Variants in ANTXR1 observed in about 807,000 individuals in gnomAD.
The protein encoded by ANTXR1 is anthrax toxin receptor 1.
A neutral mutation model predicts 78.1 loss-of-function variants in ANTXR1; 19 were observed. That is an observed-to-expected ratio of 0.24 (90% CI 0.17 to 0.36). The LOEUF (loss-of-function observed/expected upper bound fraction) is 0.36, where lower values mean the gene tolerates loss of function less well. Ranked by LOEUF, ANTXR1 falls within the 10% of genes least tolerant of loss-of-function variation. The pLI, the probability that ANTXR1 is intolerant of heterozygous loss-of-function variation, is 1.00. For missense variants in ANTXR1, 518 were observed against 718.6 expected, an observed-to-expected ratio of 0.72 and a Z score of 3.19; for synonymous variants, 273 against 260.5, an observed-to-expected ratio of 1.05 and a Z score of -0.46.
intron 10 of ANTXR1, among the ~76,000 whole-genome samples, chr2:69,103,923 T>C (rs533259440): frequency 6.7e-6 from 1 of 150,198 alleles, no homozygotes; most frequent in East Asian, 1.9e-4. Flanking sequence ...ACTAGTTTTC[T>C]CCTCCTGATA....
chr2:69,225,661 G>A (rs80327509), intron 17 of ANTXR1, among the ~76,000 whole-genome samples: 7,838 of 152,002 alleles, frequency 0.052, 646 homozygotes, highest in African/African-American at 0.17. Context: ...CAAGGGAGAT[G>A]GGATGCAGGA....
At chr2:69,128,842 C>A (rs1387211168) in intron 12 of ANTXR1, among the ~76,000 whole-genome samples, 1 of 152,156 alleles carries the variant, frequency 6.6e-6, no homozygotes, top group Non-Finnish European at 1.5e-5. Context: ...TCACAGCCTG[C>A]CCAGTTCATC....
chr2:69,093,743 C>T (rs1273980999), intron 9 of ANTXR1, among the ~76,000 whole-genome samples: 1 of 152,104 alleles, frequency 6.6e-6, no homozygotes, highest in Non-Finnish European at 1.5e-5. Context: ...CTGGTAAATC[C>T]AATCTAAGGA....
intron 13 of ANTXR1, among the ~76,000 whole-genome samples, chr2:69,168,464 C>T (rs957942764): frequency 2.6e-5 from 4 of 152,198 alleles, no homozygotes; most frequent in Non-Finnish European, 4.4e-5. Context: ...GTGCTTAGCT[C>T]ATAGCACCGT....
At chr2:69,116,009 C>A (rs538212682) in intron 10 of ANTXR1, among the ~76,000 whole-genome samples, 1 of 152,198 alleles carries the variant, frequency 6.6e-6, no homozygotes, top group East Asian at 1.9e-4. Context: ...CCATCCATTC[C>A]CATTCGGCTT....
chr2:69,175,925 A>C (rs561190780), intron 14 of ANTXR1, among the ~76,000 whole-genome samples: 65 of 152,310 alleles, frequency 4.3e-4, no homozygotes, highest in African/African-American at 1.5e-3. Flanking sequence ...ATACAGGGCC[A>C]GATAAGTTGA....
At chr2:69,017,553 A>G (rs549866486) in intron 1 of ANTXR1, among the ~76,000 whole-genome samples, 1 of 152,176 alleles carries the variant, frequency 6.6e-6, no homozygotes, top group Non-Finnish European at 1.5e-5. Context: ...ATGGAACGTC[A>G]TGTTTTCTCA....
At chr2:69,158,144 C>G (rs1673577436) in intron 13 of ANTXR1, among the ~76,000 whole-genome samples, 1 of 152,200 alleles carries the variant, frequency 6.6e-6, no homozygotes, top group Non-Finnish European at 1.5e-5. Flanking sequence ...GTCCCCAGAG[C>G]ATAATACAGT....
At chr2:69,242,591 A>G (rs980920422) in intron 17 of ANTXR1, among the ~76,000 whole-genome samples, 13 of 152,196 alleles carry the variant, frequency 8.5e-5, no homozygotes, top group African/African-American at 2.9e-4. Flanking sequence ...CTGAAGCCAG[A>G]TGAGCACTCA....
chr2:69,081,093 T>A (rs1573853080), intron 8 of ANTXR1, among the ~76,000 whole-genome samples: 1 of 152,200 alleles, frequency 6.6e-6, no homozygotes, highest in East Asian at 1.9e-4. Context: ...TTCTCTCTAT[T>A]AGCGCCTCTG....
At chr2:69,137,155 G>C (rs1177895962) in intron 12 of ANTXR1, among the ~76,000 whole-genome samples, 1 of 152,140 alleles carries the variant, frequency 6.6e-6, no homozygotes, top group Non-Finnish European at 1.5e-5. Flanking sequence ...AAAGCTGTTT[G>C]TCCCTACAGC....
At chr2:69,166,968 C>A (rs371110295) in intron 13 of ANTXR1, among the ~76,000 whole-genome samples, 1 of 152,226 alleles carries the variant, frequency 6.6e-6, no homozygotes, top group East Asian at 1.9e-4. Context: ...CTGTGAGATT[C>A]CCAGGGGAGG....
intron 17 of ANTXR1, among the ~76,000 whole-genome samples, chr2:69,207,850 C>T (rs541953617): frequency 9.9e-5 from 15 of 152,156 alleles, no homozygotes; most frequent in African/African-American, 2.2e-4. Context: ...TATTGAGCGA[C>T]GGAACAGATC....
intron 14 of ANTXR1, among the ~76,000 whole-genome samples, chr2:69,179,231 G>C (rs537104169): frequency 6.6e-6 from 1 of 152,100 alleles, no homozygotes; most frequent in Admixed American, 6.6e-5. Flanking sequence ...ACTTTATTTT[G>C]TTATATTTTG....
At chr2:69,175,048 G>C (rs1674083854) in intron 14 of ANTXR1, among the ~76,000 whole-genome samples, 1 of 152,200 alleles carries the variant, frequency 6.6e-6, no homozygotes, top group Non-Finnish European at 1.5e-5. Flanking sequence ...TGTAGCTCCT[G>C]CAACCAAGAG....
intron 2 of ANTXR1, among the ~76,000 whole-genome samples, chr2:69,040,734 C>T (rs1669589226): frequency 6.6e-6 from 1 of 152,222 alleles, no homozygotes; most frequent in African/African-American, 2.4e-5. Flanking sequence ...GAGGTCACTT[C>T]ACCCCACTGT....
intron 3 of ANTXR1, among the ~76,000 whole-genome samples, chr2:69,069,620 C>A (rs1670507387): frequency 6.6e-6 from 1 of 152,184 alleles, no homozygotes; most frequent in Admixed American, 6.5e-5. Flanking sequence ...GACTTCAAGT[C>A]TCCACTCTCC....
intron 10 of ANTXR1, among the ~76,000 whole-genome samples, chr2:69,114,778 A>G (rs1363577219): frequency 6.6e-6 from 1 of 152,124 alleles, no homozygotes; most frequent in Non-Finnish European, 1.5e-5. Context: ...ACCTGGACCC[A>G]TTCAAGCCTG....
chr2:69,077,051 AC>A (rs1383149703), intron 7 of ANTXR1, among the ~76,000 whole-genome samples: 1 of 152,276 alleles, frequency 6.6e-6, no homozygotes, highest in Non-Finnish European at 1.5e-5. Context: ...AAAGTTGCCA[AC>A]AGGAATTTGG....
Sources: allele counts gnomAD v4.1 joint callset (sites outside exome capture counted in the v4.1 genomes callset), GRCh38; gene constraint gnomAD v4.1.1; transcripts MANE v1.5; gene names NCBI Gene and HGNC (gene_info 2026-07-23, HGNC 2026-07-21).